Variants in CAMK1D observed in about 807,000 individuals in gnomAD.
The protein encoded by CAMK1D is calcium/calmodulin-dependent protein kinase type 1D.
A neutral mutation model predicts 47.7 loss-of-function variants in CAMK1D; 9 were observed. The observed-to-expected ratio is 0.19, with a 90% CI of 0.11 to 0.33. The LOEUF (loss-of-function observed/expected upper bound fraction) is 0.33. Ranked by LOEUF, CAMK1D falls within the 10% of genes least tolerant of loss-of-function variation. The probability of loss-of-function intolerance (pLI) is 1.00; values close to 1 mark genes in which losing one functional copy is unlikely to be tolerated. For missense variants in CAMK1D, 291 were observed against 488.7 expected, an observed-to-expected ratio of 0.60 and a Z score of 3.81; for synonymous variants, 184 against 184.9, an observed-to-expected ratio of 0.99 and a Z score of 0.04.
At chr10:12,423,619 G>T (rs1018621688) in intron 1 of CAMK1D, among the ~76,000 whole-genome samples, 2 of 152,202 alleles carry the variant, frequency 1.3e-5, no homozygotes, top group Non-Finnish European at 2.9e-5. Flanking sequence ...AGAACTCCCA[G>T]GTACAGGGAA....
intron 1 of CAMK1D, among the ~76,000 whole-genome samples, chr10:12,515,830 C>T (rs1835193326): frequency 1.3e-5 from 2 of 151,986 alleles, no homozygotes; most frequent in South Asian, 2.1e-4. Flanking sequence ...CCAGGATGGT[C>T]TCGCTCTCCT....
Position 12,640,523 on chromosome 10 carries a change from A to G in CAMK1D, c.225-26213A>G, listed in dbSNP as rs189870228. 6.4e-4 allele frequency among the ~76,000 whole-genome samples: 97 copies of G among 152,320 alleles called. 2 individuals carry two copies. In the East Asian group the frequency reaches 0.013, roughly 20 times the overall value. Reference sequence around the variant, plus strand: ...ATTTGGGGATCTTATTTGCAAGCCTATTGAACAAATAACAGCTATGAAATT... The same window carrying G: ...ATTTGGGGATCTTATTTGCAAGCCTGTTGAACAAATAACAGCTATGAAATT... On this transcript the variant is annotated intron_variant, in intron 2 of 10. Transcript: ENST00000619168.
chr10:12,465,999 G>A (rs1833577304), intron 1 of CAMK1D, among the ~76,000 whole-genome samples: 1 of 152,172 alleles, frequency 6.6e-6, no homozygotes, highest in Non-Finnish European at 1.5e-5. Flanking sequence ...ATTTGAGAGA[G>A]TTAGCCTCAG....
chr10:12,685,087 G>T (rs968773682), intron 3 of CAMK1D, among the ~76,000 whole-genome samples: 1 of 152,216 alleles, frequency 6.6e-6, no homozygotes, highest in African/African-American at 2.4e-5. Context: ...AATCATTTGA[G>T]GTCAAGAGTT....
chr10:12,769,605 A>C, intron 4 of CAMK1D, 68 bp from the exon 5 acceptor site: 1 of 1,563,016 alleles, frequency 6.4e-7, no homozygotes, highest in Non-Finnish European at 8.7e-7. Flanking sequence ...TTGCAGCTGA[A>C]TGAGTCTTCC....
chr10:12,607,237 TTTC>T (rs1490076802), intron 2 of CAMK1D, among the ~76,000 whole-genome samples: 1 of 152,218 alleles, frequency 6.6e-6, no homozygotes, highest in African/African-American at 2.4e-5. Flanking sequence ...CCTCCCTCCC[TTTC>T]TTCTTTCCTG....
chr10:12,375,324 A>G (rs1335188634), intron 1 of CAMK1D, among the ~76,000 whole-genome samples: 1 of 152,180 alleles, frequency 6.6e-6, no homozygotes, highest in East Asian at 1.9e-4. Context: ...GTTACTGATA[A>G]GTCCTTGAGA....
intron 1 of CAMK1D, among the ~76,000 whole-genome samples, chr10:12,507,136 A>G (rs569896515): frequency 8.5e-5 from 13 of 152,332 alleles, no homozygotes; most frequent in African/African-American, 3.1e-4. Flanking sequence ...GTTTGCAGCT[A>G]CTGTGTGAAC....
intron 3 of CAMK1D, among the ~76,000 whole-genome samples, chr10:12,669,243 A>ACAAAC (rs58275333): frequency 4.6e-4 from 16 of 34,442 alleles, no homozygotes; most frequent in South Asian, 2.8e-3. Flanking sequence ...AAACAAACAA[A>ACAAAC]AAAACCCCAC....
In CAMK1D at chr10:12,420,625, T is replaced by C. The variant is rs556846803; in HGVS notation, c.92+70715T>C. 3.9e-5 allele frequency among the ~76,000 whole-genome samples: 6 copies of C among 152,296 alleles called. No homozygotes were observed. The East Asian group carries it at 1.2e-3, about 29-fold the overall frequency. On this transcript the variant is annotated intron_variant, in intron 1 of 10. Transcript: ENST00000619168. Reference sequence around the variant, plus strand: ...CCAAACTACTTAGGGATTCTGCATATTTCTAACAGCCTCTGTCTTGCTAAG... The same window carrying C: ...CCAAACTACTTAGGGATTCTGCATACTTCTAACAGCCTCTGTCTTGCTAAG...
intron 3 of CAMK1D, among the ~76,000 whole-genome samples, chr10:12,760,332 C>T (rs2130902916): frequency 6.6e-6 from 1 of 152,318 alleles, no homozygotes; most frequent in African/African-American, 2.4e-5. Flanking sequence ...GTCTTGATTT[C>T]TTGCCTGCTT....
At chr10:12,397,344 G>C (rs992662272) in intron 1 of CAMK1D, among the ~76,000 whole-genome samples, 4 of 152,116 alleles carry the variant, frequency 2.6e-5, no homozygotes, top group African/African-American at 9.7e-5. Flanking sequence ...TTGACCCTTG[G>C]AGCCTTCTAA....
intron 3 of CAMK1D, among the ~76,000 whole-genome samples, chr10:12,709,878 T>C (rs1235992837): frequency 6.6e-6 from 1 of 152,208 alleles, no homozygotes; most frequent in Non-Finnish European, 1.5e-5. Context: ...AAGGAAAGAT[T>C]ACCTTTGATA....
intron 6 of CAMK1D, among the ~76,000 whole-genome samples, chr10:12,810,214 T>C (rs1045642634): frequency 2.2e-5 from 3 of 136,240 alleles, no homozygotes; most frequent in Non-Finnish European, 3.1e-5. Context: ...TACCACAAAA[T>C]AAAATATAAC....
chr10:12,662,689 A>G (rs1840310501), intron 2 of CAMK1D, among the ~76,000 whole-genome samples: 1 of 151,652 alleles, frequency 6.6e-6, no homozygotes, highest in African/African-American at 2.4e-5. Context: ...GTAGAACTTC[A>G]GATTAAAATG....
intron 10 of CAMK1D, chr10:12,825,892 T>TG: frequency 6.6e-6 from 5 of 758,344 alleles, no homozygotes; most frequent in Non-Finnish European, 8.2e-6. Context: ...ATCCCAACAC[T>TG]TTGGGAGGCT....
chr10:12,599,830 A>C (rs1396737560), intron 2 of CAMK1D, among the ~76,000 whole-genome samples: 1 of 152,260 alleles, frequency 6.6e-6, no homozygotes, highest in Non-Finnish European at 1.5e-5. Flanking sequence ...GCAGAATTGT[A>C]TAAATCCCTT....
intron 1 of CAMK1D, among the ~76,000 whole-genome samples, chr10:12,544,555 A>T (rs956739430): frequency 6.6e-6 from 1 of 152,288 alleles, no homozygotes; most frequent in Admixed American, 6.5e-5. Flanking sequence ...ATTCAGGCAC[A>T]TAAGTGCATG....
chr10:12,563,704 A>AGAGG (rs1554789180), intron 2 of CAMK1D, among the ~76,000 whole-genome samples: 2 of 150,566 alleles, frequency 1.3e-5, no homozygotes, highest in African/African-American at 2.5e-5. Context: ...AGAGAGGGAG[A>AGAGG]GAGAGGGAGA....
Sources: allele counts gnomAD v4.1 joint callset (sites outside exome capture counted in the v4.1 genomes callset), GRCh38; gene constraint gnomAD v4.1.1; transcripts MANE v1.5; gene names NCBI Gene and HGNC (gene_info 2026-07-23, HGNC 2026-07-21).